The following ME3 variants were observed in gnomAD, a reference collection of about 807,000 sequenced individuals.
The protein encoded by ME3 is NADP-dependent malic enzyme, mitochondrial.
In ME3, 48 loss-of-function variants were observed where a neutral mutation model predicts 68.9. The observed-to-expected ratio is 0.70, with a 90% CI of 0.55 to 0.89. ME3 has a LOEUF of 0.89. Ranked by LOEUF, ME3 falls within the 40% of genes least tolerant of loss-of-function variation. The pLI, the probability that ME3 is intolerant of heterozygous loss-of-function variation, is 0.00. For synonymous variants in ME3, 320 were observed against 318.8 expected, an observed-to-expected ratio of 1.00 and a Z score of -0.04; for missense variants, 675 against 797.4, an observed-to-expected ratio of 0.85 and a Z score of 1.85.
chr11:86,582,883 G>T (rs1232454788), intron 2 of ME3, among the ~76,000 whole-genome samples: 3 of 150,998 alleles, frequency 2.0e-5, no homozygotes, highest in African/African-American at 7.3e-5. Flanking sequence ...GAAACAAAAG[G>T]CTTTCTCTGT....
intron 2 of ME3, among the ~76,000 whole-genome samples, chr11:86,618,088 C>T (rs532786726): frequency 4.7e-4 from 71 of 151,994 alleles, no homozygotes; most frequent in African/African-American, 1.7e-3. Context: ...TGCCTGAGTC[C>T]AGGAGTTCCA....
At chr11:86,493,438 C>T (rs1336750750) in intron 6 of ME3, among the ~76,000 whole-genome samples, 2 of 152,228 alleles carry the variant, frequency 1.3e-5, no homozygotes, top group Non-Finnish European at 2.9e-5. Flanking sequence ...TGCCTTAGCA[C>T]AGGGTGGGAT....
intron 2 of ME3, among the ~76,000 whole-genome samples, chr11:86,563,783 T>G (rs1038175731): frequency 1.4e-4 from 21 of 152,294 alleles, no homozygotes; most frequent in African/African-American, 4.8e-4. Flanking sequence ...ATTTCTGAGT[T>G]TTCTCTTCTG....
intron 2 of ME3, among the ~76,000 whole-genome samples, chr11:86,616,914 A>T (rs1942994980): frequency 6.6e-6 from 1 of 152,170 alleles, no homozygotes; most frequent in African/African-American, 2.4e-5. Flanking sequence ...TTAATTTCTT[A>T]GTTTTGATAA....
chr11:86,661,368 C>T (rs1048870464), intron 2 of ME3, among the ~76,000 whole-genome samples: 3 of 152,018 alleles, frequency 2.0e-5, no homozygotes, highest in African/African-American at 4.8e-5. Flanking sequence ...GGATGGGGCA[C>T]CCAGGCATTG....
intron 2 of ME3, among the ~76,000 whole-genome samples, chr11:86,598,895 C>A (rs1205030941): frequency 6.6e-6 from 1 of 152,202 alleles, no homozygotes; most frequent in African/African-American, 2.4e-5. Flanking sequence ...AGGGTCCTGT[C>A]TGTTAGAAGG....
intron 4 of ME3, among the ~76,000 whole-genome samples, chr11:86,542,325 A>G (rs1034252869): frequency 6.6e-6 from 1 of 152,252 alleles, no homozygotes; most frequent in Non-Finnish European, 1.5e-5. Flanking sequence ...TGACAGAAGT[A>G]GGCTTCAGAA....
At chr11:86,507,157 G>A (rs1953143119) in intron 5 of ME3, among the ~76,000 whole-genome samples, 1 of 152,226 alleles carries the variant, frequency 6.6e-6, no homozygotes, top group Admixed American at 6.5e-5. Flanking sequence ...GGACATAAAG[G>A]GAGGTAGACA....
At chr11:86,449,159 C>G (rs923673967) in intron 10 of ME3, among the ~76,000 whole-genome samples, 2 of 152,224 alleles carry the variant, frequency 1.3e-5, no homozygotes, top group East Asian at 3.8e-4. Context: ...CTGTTCCCAT[C>G]TCTGCCATAA....
At chr11:86,567,968 G>A (rs915856549) in intron 2 of ME3, among the ~76,000 whole-genome samples, 1 of 152,226 alleles carries the variant, frequency 6.6e-6, no homozygotes. Context: ...GAAGGTAAGA[G>A]TAGGGACTGT....
At chr11:86,545,464 G>A (rs1174750249) in intron 4 of ME3, among the ~76,000 whole-genome samples, 2 of 152,168 alleles carry the variant, frequency 1.3e-5, no homozygotes, top group East Asian at 3.8e-4. Flanking sequence ...AGCAACTTCA[G>A]CAAAGTCTCA....
At chr11:86,605,186 G>A (rs868503865) in intron 2 of ME3, among the ~76,000 whole-genome samples, 1 of 152,102 alleles carries the variant, frequency 6.6e-6, no homozygotes, top group Admixed American at 6.6e-5. Context: ...GTACTTCATT[G>A]CTTTTTATGC....
At chr11:86,442,892 G>T in exon 14 of ME3, 1 of 1,613,238 alleles carries the variant, frequency 6.2e-7, no homozygotes, top group Non-Finnish European at 8.5e-7. Context: ...TGGGACAGAT[G>T]CTGCTCAGAG....
chr11:86,625,670 C>T (rs912481956), intron 2 of ME3, among the ~76,000 whole-genome samples: 5 of 152,188 alleles, frequency 3.3e-5, no homozygotes, highest in East Asian at 1.9e-4. Flanking sequence ...AAAGAAACCC[C>T]GTCACTGCTG....
intron 2 of ME3, among the ~76,000 whole-genome samples, chr11:86,603,875 C>T (rs528997361): frequency 1.4e-5 from 2 of 138,840 alleles, no homozygotes; most frequent in African/African-American, 5.5e-5. Context: ...TGTTCTCACT[C>T]ATAGATGGGA....
In ME3 at chr11:86,524,933, C is replaced by T. The variant is rs115802729; in HGVS notation, c.468-16066G>A. On this transcript the variant is annotated intron_variant, in intron 4 of 14. Transcript: ENST00000543262. ...TTCCGCCTCCAAACTACAAATCCCT[C>T]GAAAGGAAGGAATCTCAGAACATTC... 6.0e-3 allele frequency among the ~76,000 whole-genome samples: 908 copies of T among 152,192 alleles called. 11 individuals are homozygous for T. Among genetic ancestry groups the T allele is most frequent in the African/African-American group, 0.021 (867 of 41,510 alleles).
intron 2 of ME3, among the ~76,000 whole-genome samples, chr11:86,574,546 G>A (rs1204278443): frequency 3.3e-5 from 5 of 152,266 alleles, no homozygotes; most frequent in African/African-American, 9.6e-5. Context: ...GTTCACCTGG[G>A]TATCACCAGT....
intron 7 of ME3, among the ~76,000 whole-genome samples, chr11:86,481,251 C>G (rs1416360032): frequency 7.5e-6 from 1 of 132,746 alleles, no homozygotes; most frequent in African/African-American, 2.9e-5. Context: ...GGGGGTGTCA[C>G]TATGTTGCCT....
At chr11:86,599,759 G>A (rs1171360994) in intron 2 of ME3, among the ~76,000 whole-genome samples, 1 of 152,154 alleles carries the variant, frequency 6.6e-6, no homozygotes, top group Non-Finnish European at 1.5e-5. Context: ...TCTCTTGGCA[G>A]AAACTCTACA....
Sources: gnomAD v4.1 joint callset for allele counts (sites outside exome capture counted in the v4.1 genomes callset) on GRCh38, gnomAD v4.1.1 for gene constraint, MANE v1.5 for transcripts, NCBI Gene and HGNC (gene_info 2026-07-23, HGNC 2026-07-21) for gene names.